KHDRBS2: variants seen among roughly 807,000 people sequenced by gnomAD.
KHDRBS2 encodes KH RNA binding domain containing, signal transduction associated 2.
A neutral mutation model predicts 44.3 loss-of-function variants in KHDRBS2; 26 were observed. That is an observed-to-expected ratio of 0.59 (90% CI 0.43 to 0.81). The LOEUF (loss-of-function observed/expected upper bound fraction) is 0.81. KHDRBS2 is among the 40% of genes least tolerant of loss of function. The pLI, the probability that KHDRBS2 is intolerant of heterozygous loss-of-function variation, is 0.00. For missense variants in KHDRBS2, 476 were observed against 433.1 expected (o/e 1.10, Z -0.88); for synonymous variants, 194 against 151.1 (o/e 1.28, Z -2.08).
intron 6 of KHDRBS2, among the ~76,000 whole-genome samples, chr6:61,772,237 C>T (rs1015984877): frequency 6.6e-6 from 1 of 152,094 alleles, no homozygotes; most frequent in Non-Finnish European, 1.5e-5. Context: ...AAAATTGACA[C>T]CCTAACATCA....
At chr6:61,782,386 T>C (rs1364482867) in intron 6 of KHDRBS2, among the ~76,000 whole-genome samples, 1 of 152,012 alleles carries the variant, frequency 6.6e-6, no homozygotes, top group Non-Finnish European at 1.5e-5. Flanking sequence ...AATACCATTT[T>C]TGAAGGGCTC....
chr6:61,646,079 A>G, the KHDRBS2 span, among the ~76,000 whole-genome samples: 3 of 152,154 alleles, frequency 2.0e-5, no homozygotes, highest in African/African-American at 7.2e-5. Context: ...ATATCTATTC[A>G]TAAGGTTTTA....
At chr6:62,230,121 G>T (rs1832660139) in intron 1 of KHDRBS2, among the ~76,000 whole-genome samples, 1 of 152,128 alleles carries the variant, frequency 6.6e-6, no homozygotes, top group African/African-American at 2.4e-5. Flanking sequence ...CCTTTAATAT[G>T]TAGTACACAC....
At chr6:62,160,481 A>T (rs1817388053) in intron 2 of KHDRBS2, among the ~76,000 whole-genome samples, 1 of 152,162 alleles carries the variant, frequency 6.6e-6, no homozygotes, top group South Asian at 2.1e-4. Flanking sequence ...AAGGCAACTT[A>T]GAGATGGTAA....
chr6:61,704,508 G>A (rs1359027957), intron 7 of KHDRBS2, among the ~76,000 whole-genome samples: 1 of 151,788 alleles, frequency 6.6e-6, no homozygotes, highest in African/African-American at 2.4e-5. Flanking sequence ...CTTTGCTGGA[G>A]TGACCGCGTA....
intron 6 of KHDRBS2, among the ~76,000 whole-genome samples, chr6:61,778,403 C>G (rs545611483): frequency 1.3e-5 from 2 of 152,004 alleles, no homozygotes; most frequent in Non-Finnish European, 2.9e-5. Context: ...GCTGAAGAAA[C>G]TTATAGAGGT....
intron 6 of KHDRBS2, among the ~76,000 whole-genome samples, chr6:61,857,767 G>A (rs766114849): frequency 3.9e-5 from 6 of 151,908 alleles, no homozygotes; most frequent in Admixed American, 2.6e-4. Flanking sequence ...TAAATCATTC[G>A]TGGCAACTCC....
chr6:62,109,306 T>TA (rs1171648871), intron 2 of KHDRBS2, among the ~76,000 whole-genome samples: 1 of 151,968 alleles, frequency 6.6e-6, no homozygotes, highest in South Asian at 2.1e-4. Flanking sequence ...TCCTAATTTT[T>TA]AAAAAAAGTA....
At chr6:61,991,593 T>C (rs1470871899) in intron 3 of KHDRBS2, among the ~76,000 whole-genome samples, 1 of 152,164 alleles carries the variant, frequency 6.6e-6, no homozygotes, top group Admixed American at 6.5e-5. Context: ...CCTTATGATG[T>C]TGAAAGGGTG....
At chr6:61,578,376 T>G in the KHDRBS2 span, among the ~76,000 whole-genome samples, 5 of 152,140 alleles carry the variant, frequency 3.3e-5, no homozygotes, top group African/African-American at 4.8e-5. Context: ...TTAGCAACAA[T>G]TATGTGTCAT....
intron 6 of KHDRBS2, among the ~76,000 whole-genome samples, chr6:61,885,750 T>C (rs1800852294): frequency 6.6e-6 from 1 of 152,106 alleles, no homozygotes; most frequent in African/African-American, 2.4e-5. Context: ...TAAAATACCT[T>C]ACTTTTGCAA....
chr6:62,074,693 C>T (rs1462807663), intron 2 of KHDRBS2, among the ~76,000 whole-genome samples: 1 of 151,858 alleles, frequency 6.6e-6, no homozygotes, highest in East Asian at 1.9e-4. Context: ...CCAGATAGAG[C>T]TTTATCACAC....
intron 2 of KHDRBS2, among the ~76,000 whole-genome samples, chr6:62,066,318 A>T (rs1383520692): frequency 4.6e-5 from 7 of 151,736 alleles, no homozygotes; most frequent in African/African-American, 1.7e-4. Flanking sequence ...AGTACAGTGA[A>T]ATGTGGCTGC....
intron 6 of KHDRBS2, among the ~76,000 whole-genome samples, chr6:61,796,342 T>C (rs1032158280): frequency 1.3e-5 from 2 of 151,934 alleles, no homozygotes; most frequent in Non-Finnish European, 2.9e-5. Flanking sequence ...AATTAGCATA[T>C]AATTATAAAA....
intron 6 of KHDRBS2, among the ~76,000 whole-genome samples, chr6:61,787,823 C>A (rs1202979625): frequency 6.6e-6 from 1 of 151,556 alleles, no homozygotes; most frequent in African/African-American, 2.4e-5. Flanking sequence ...TTTTTATAAG[C>A]AGACTGCATT....
At chr6:62,247,840 G>A (rs144545083) in intron 1 of KHDRBS2, among the ~76,000 whole-genome samples, 90 of 152,160 alleles carry the variant, frequency 5.9e-4, no homozygotes, top group African/African-American at 1.8e-3. Context: ...AAAGGCCATA[G>A]GTAGGTATTT....
chr6:62,177,155 T>C (rs1193229603), intron 2 of KHDRBS2, 30 bp downstream of exon 2: 6 of 1,277,864 alleles, frequency 4.7e-6, no homozygotes, highest in Non-Finnish European at 6.6e-6. Flanking sequence ...CTAAATCAAT[T>C]ATATGAGAAC....
At chr6:62,052,257 G>A (rs1789236637) in intron 2 of KHDRBS2, among the ~76,000 whole-genome samples, 6 of 151,822 alleles carry the variant, frequency 4.0e-5, no homozygotes, top group Admixed American at 3.9e-4. Context: ...CAGACAAATG[G>A]ATAAAGAAAC....
intron 6 of KHDRBS2, among the ~76,000 whole-genome samples, chr6:61,771,597 T>G (rs1014907720): frequency 4.6e-5 from 7 of 152,256 alleles, no homozygotes; most frequent in African/African-American, 1.4e-4. Flanking sequence ...AGAAGGCCAT[T>G]ACATAATGGT....
Sources: allele counts gnomAD v4.1 joint callset (sites outside exome capture counted in the v4.1 genomes callset), GRCh38; gene constraint gnomAD v4.1.1; transcripts MANE v1.5; gene names NCBI Gene and HGNC (gene_info 2026-07-23, HGNC 2026-07-21).